The following RIT2 variants were observed in gnomAD, a reference collection of about 807,000 sequenced individuals.
The protein encoded by RIT2 is Ras like without CAAX 2, also known as GTP-binding protein Rit2.
Under a neutral mutation model 23.7 loss-of-function variants are expected in RIT2, and 24 were observed. The observed-to-expected ratio is 1.01, with a 90% CI of 0.73 to 1.43. RIT2 has a LOEUF of 1.43. RIT2 is among the 40% of genes most tolerant of loss of function. The probability of loss-of-function intolerance (pLI) is 0.00; values close to 1 mark genes in which losing one functional copy is unlikely to be tolerated. For missense variants in RIT2, 236 were observed against 266.9 expected (o/e 0.88, Z 0.81); for synonymous variants, 107 against 91.1 (o/e 1.17, Z -0.99).
intron 4 of RIT2, among the ~76,000 whole-genome samples, chr18:42,758,977 A>G (rs970955174): frequency 1.3e-5 from 2 of 152,142 alleles, no homozygotes; most frequent in Non-Finnish European, 2.9e-5. Context: ...CTGGAGCTAT[A>G]CAAATGGCTT....
At chr18:42,915,004 TA>T (rs34252039) in intron 4 of RIT2, among the ~76,000 whole-genome samples, 137,102 of 150,312 alleles carry the variant, frequency 0.91, 62,600 homozygotes, top group East Asian at 0.99. Flanking sequence ...TGAGTTAAAG[TA>T]AAAAAAAAAA....
chr18:43,005,668 TA>T (rs958394858), intron 2 of RIT2, among the ~76,000 whole-genome samples: 1 of 151,644 alleles, frequency 6.6e-6, no homozygotes, highest in Admixed American at 6.6e-5. Context: ...CCTCATTTTT[TA>T]AAAAAAATGC....
At chr18:42,903,285 T>C (rs1181831346) in intron 4 of RIT2, among the ~76,000 whole-genome samples, 2 of 152,080 alleles carry the variant, frequency 1.3e-5, no homozygotes, top group Non-Finnish European at 2.9e-5. Flanking sequence ...AATAGGTTGA[T>C]AGATAGCTAC....
chr18:43,047,206 C>G (rs991517257), intron 1 of RIT2, among the ~76,000 whole-genome samples: 3 of 151,842 alleles, frequency 2.0e-5, no homozygotes, highest in African/African-American at 7.3e-5. Flanking sequence ...GGCTATTGTG[C>G]TTATATCTCT....
Position 42,791,366 on chromosome 18 carries a change from CTG to C in RIT2, c.427-47648_427-47647del, listed in dbSNP as rs1914039207. On this transcript the variant is annotated intron_variant, in intron 4 of 4. Transcript: ENST00000326695. ...AAATGAGTTTGTATCCCAGACTACT[CTG>C]TACGTGACTGGGTACTTAACCTTCT... Among the ~76,000 whole-genome samples, 4 of 152,316 alleles carry C rather than the reference CTG, an allele frequency of 2.6e-5. 1 individual carries two copies. The highest frequency in any genetic ancestry group is 2.6e-4 in the Admixed American group (4 of 15,308).
intron 4 of RIT2, among the ~76,000 whole-genome samples, chr18:42,827,891 G>C (rs1906343673): frequency 6.6e-6 from 1 of 151,200 alleles, no homozygotes; most frequent in South Asian, 2.1e-4. Flanking sequence ...TGTAGTCCCA[G>C]CTACTCGGGA....
rs148107120 is a variant in RIT2 at position 42,822,018 on chromosome 18, C to G, written c.427-78298G>C. Among the ~76,000 whole-genome samples, 792 of 152,094 alleles carry G rather than the reference C, an allele frequency of 5.2e-3. 5 individuals carry two copies. Among genetic ancestry groups the G allele is most frequent in the African/African-American group, 0.017 (721 of 41,480 alleles). ...GATCAGAAAAGACCTGATATAGGAT[C>G]CTAAATTAGTCTGGATGTGTATGCC... On this transcript the variant is annotated intron_variant, in intron 4 of 4. Coordinates refer to ENST00000326695, the MANE Select transcript of RIT2 (RefSeq NM_002930.4).
At chr18:43,084,711 A>G (rs903024593) in intron 1 of RIT2, among the ~76,000 whole-genome samples, 1 of 152,122 alleles carries the variant, frequency 6.6e-6, no homozygotes, top group African/African-American at 2.4e-5. Flanking sequence ...GGAGGGGAAC[A>G]TCACACACTG....
chr18:42,929,276 T>C (rs1318437540), intron 3 of RIT2, among the ~76,000 whole-genome samples: 1 of 151,958 alleles, frequency 6.6e-6, no homozygotes, highest in Non-Finnish European at 1.5e-5. Context: ...GGGGTTTAGA[T>C]AGCAGACAAC....
intron 4 of RIT2, among the ~76,000 whole-genome samples, chr18:42,875,502 A>T (rs939972320): frequency 6.6e-6 from 1 of 152,032 alleles, no homozygotes; most frequent in Non-Finnish European, 1.5e-5. Flanking sequence ...ACCTTTGAAC[A>T]TGTGGAAACA....
At position 43,115,479 on chromosome 18, in the gene RIT2, G is replaced by C; in HGVS notation, c.41C>G (p.Ala14Gly). 3.1e-6 allele frequency: 5 copies of C among 1,613,558 alleles called. No individual in the cohort carries two copies. The highest frequency in any genetic ancestry group is 4.2e-6 in the Non-Finnish European group (5 of 1,179,754). ...ENEASCSPGS[A>G]SGGSREYKVV... Reference sequence around the variant, plus strand: ...CTTGTACTCTCTGGACCCGCCTGATGCGCTGCCCGGGGAGCAGCTGGCTTC... The same window carrying C: ...CTTGTACTCTCTGGACCCGCCTGATCCGCTGCCCGGGGAGCAGCTGGCTTC... The change falls in exon 1 of 5, where the codon GCA (alanine) becomes GGA (glycine). Residue 14 changes from alanine (A) to glycine (G), a missense_variant. Ala to Gly is a moderately conservative substitution (Grantham distance 60). Transcript: ENST00000326695.
chr18:42,755,267 C>T (rs1432955129), intron 4 of RIT2, among the ~76,000 whole-genome samples: 1 of 152,138 alleles, frequency 6.6e-6, no homozygotes, highest in African/African-American at 2.4e-5. Context: ...TTATCTCTGT[C>T]TGTTTCCCCA....
At chr18:42,845,910 A>C (rs1368819377) in intron 4 of RIT2, among the ~76,000 whole-genome samples, 1 of 151,956 alleles carries the variant, frequency 6.6e-6, no homozygotes, top group East Asian at 1.9e-4. Flanking sequence ...CTAGAGGGAA[A>C]TTCAAAACTT....
intron 3 of RIT2, among the ~76,000 whole-genome samples, chr18:42,967,536 ATTTTTTTTTTTTTTTT>A (rs397940927): frequency 1.2e-5 from 1 of 80,762 alleles, no homozygotes; most frequent in Non-Finnish European, 2.2e-5. Flanking sequence ...CGCCCGGCTA[ATTTTTTTTTTTTTTTT>A]TTTTTTTTTT....
intron 4 of RIT2, among the ~76,000 whole-genome samples, chr18:42,923,126 G>A (rs1375489091): frequency 6.6e-6 from 1 of 152,124 alleles, no homozygotes; most frequent in Non-Finnish European, 1.5e-5. Flanking sequence ...CATGCAAAGT[G>A]GCTTTGCCCA....
At chr18:43,078,366 C>G (rs1397832616) in intron 1 of RIT2, among the ~76,000 whole-genome samples, 1 of 152,180 alleles carries the variant, frequency 6.6e-6, no homozygotes, top group Non-Finnish European at 1.5e-5. Flanking sequence ...AGAGAAGGGT[C>G]TACATAGTTG....
chr18:43,014,035 AAT>A (rs1382110627), intron 2 of RIT2, among the ~76,000 whole-genome samples: 2 of 151,784 alleles, frequency 1.3e-5, no homozygotes, highest in Non-Finnish European at 2.9e-5. Flanking sequence ...GGAATTTCAA[AAT>A]AAAAGATAAT....
intron 2 of RIT2, among the ~76,000 whole-genome samples, chr18:42,986,941 G>T (rs1163235137): frequency 1.3e-5 from 2 of 152,044 alleles, no homozygotes; most frequent in South Asian, 2.1e-4. Flanking sequence ...TAACAGCCTG[G>T]CAAATTTAAA....
At chr18:42,974,430 G>T (rs141172881) in intron 2 of RIT2, among the ~76,000 whole-genome samples, 3 of 151,874 alleles carry the variant, frequency 2.0e-5, no homozygotes, top group African/African-American at 7.2e-5. Flanking sequence ...AATGTTATTC[G>T]TTCTTTCCTA....
Sources: gnomAD v4.1 joint callset for allele counts (sites outside exome capture counted in the v4.1 genomes callset) on GRCh38, gnomAD v4.1.1 for gene constraint, MANE v1.5 for transcripts, NCBI Gene and HGNC (gene_info 2026-07-23, HGNC 2026-07-21) for gene names.